GALNT12: variants seen among roughly 807,000 people sequenced by gnomAD.
GALNT12 encodes polypeptide N-acetylgalactosaminyltransferase 12.
Under a neutral mutation model 55.5 loss-of-function variants are expected in GALNT12, and 45 were observed. The ratio of observed to expected loss-of-function variants is 0.81; its 90% confidence interval spans 0.64 to 1.04. The LOEUF is 1.04. Among genes scored for constraint, GALNT12 ranks in the 50% least tolerant of loss-of-function variants. GALNT12 has a pLI of 0.00. For missense variants in GALNT12, 709 were observed against 754.8 expected, an observed-to-expected ratio of 0.94 and a Z score of 0.71; for synonymous variants, 304 against 312.2, an observed-to-expected ratio of 0.97 and a Z score of 0.28.
intron 3 of GALNT12, among the ~76,000 whole-genome samples, chr9:98,830,461 A>G (rs1209773859): frequency 6.6e-6 from 1 of 152,186 alleles, no homozygotes; most frequent in Non-Finnish European, 1.5e-5. Flanking sequence ...GGTCCTGCAC[A>G]TTCTCCAGCC....
intron 1 of GALNT12, among the ~76,000 whole-genome samples, chr9:98,817,589 G>C (rs1835642057): frequency 6.6e-6 from 1 of 151,822 alleles, no homozygotes. Flanking sequence ...TCAGCCTCCG[G>C]AGTAGCTGGG....
chr9:98,820,037 T>C (rs1301078417), intron 1 of GALNT12, among the ~76,000 whole-genome samples: 1 of 152,238 alleles, frequency 6.6e-6, no homozygotes, highest in African/African-American at 2.4e-5. Flanking sequence ...AAAATTAGCA[T>C]GTGTCTTAAA....
intron 6 of GALNT12, among the ~76,000 whole-genome samples, chr9:98,838,254 G>A (rs1214215609): frequency 6.6e-6 from 1 of 152,076 alleles, no homozygotes; most frequent in Admixed American, 6.6e-5. Flanking sequence ...CCAGGCCCCC[G>A]CTGCTACTCT....
chr9:98,842,474 C>A (rs550571112), intron 7 of GALNT12, among the ~76,000 whole-genome samples: 1 of 152,310 alleles, frequency 6.6e-6, no homozygotes, highest in East Asian at 1.9e-4. Flanking sequence ...CAGGTATGAG[C>A]CACTGTGCCC....
chr9:98,818,053 C>G (rs1193487126), intron 1 of GALNT12, among the ~76,000 whole-genome samples: 2 of 152,036 alleles, frequency 1.3e-5, no homozygotes, highest in Admixed American at 1.3e-4. Flanking sequence ...TTCTGTATGT[C>G]TACTATAATA....
rs117360943 is a variant in GALNT12 at position 98,810,568 on chromosome 9, T to C, written c.371+2499T>C. ...GTGCCTCCTAGACTTTTAATGAAAG[T>C]CTTTACTCTGCAGTGCCTTTTATCA... On this transcript the variant is annotated intron_variant, in intron 1 of 9. Coordinates refer to ENST00000375011, the MANE Select transcript of GALNT12 (RefSeq NM_024642.5). 5.2e-3 allele frequency among the ~76,000 whole-genome samples: 793 copies of C among 152,358 alleles called. 5 individuals carry two copies. The highest frequency in any genetic ancestry group is 0.023 in the South Asian group (112 of 4,830).
chr9:98,824,467 C>T (rs753027342), intron 2 of GALNT12, among the ~76,000 whole-genome samples: 7 of 152,190 alleles, frequency 4.6e-5, no homozygotes, highest in Admixed American at 2.0e-4. Context: ...TTGAGCAGAG[C>T]GTGGTTGCCT....
chr9:98,847,227 T>C (rs1836441704), intron 9 of GALNT12: 1 of 152,338 alleles, frequency 6.6e-6, no homozygotes, highest in Admixed American at 6.5e-5. Flanking sequence ...TCACTCCCAA[T>C]ATACTGCTTA....
rs34594897 is a variant in GALNT12 at position 98,826,448 on chromosome 9, T to G, written c.542-304T>G. Among the ~76,000 whole-genome samples the G allele has an allele frequency of 0.057, 8,698 of 152,274 alleles. 283 individuals carry two copies. Among genetic ancestry groups the G allele is most frequent in the Non-Finnish European group, 0.069 (4,692 of 68,012 alleles). ...CTGTAAAGCATTTTTTGTAACAGCT[T>G]TATTGAAATATATTCACACACCATT... On this transcript the variant is annotated intron_variant, in intron 2 of 9. Transcript: ENST00000375011.
At chr9:98,841,528 G>C (rs1836284891) in intron 7 of GALNT12, among the ~76,000 whole-genome samples, 1 of 152,166 alleles carries the variant, frequency 6.6e-6, no homozygotes, top group Non-Finnish European at 1.5e-5. Context: ...ATTTCAAATG[G>C]AGTTGCCAAA....
chr9:98,808,147 CG>C, intron 1 of GALNT12, 78 bp downstream of exon 1: 1 of 1,257,662 alleles, frequency 8.0e-7, no homozygotes, highest in Non-Finnish European at 1.1e-6. Flanking sequence ...AGTGGCAGGG[CG>C]GGGAGCTGGG....
At chr9:98,822,688 T>G (rs1021104825) in intron 1 of GALNT12, among the ~76,000 whole-genome samples, 1 of 151,760 alleles carries the variant, frequency 6.6e-6, no homozygotes, top group African/African-American at 2.4e-5. Flanking sequence ...TGGGAGAGGG[T>G]AGGGAGTGGT....
At position 98,837,013 on chromosome 9, in the gene GALNT12, C is replaced by T. The variant is rs1836169271; in HGVS notation, c.1077C>T (p.Ser359=). 1 of 1,614,184 alleles carries T rather than the reference C, an allele frequency of 6.2e-7. No individual in the cohort carries two copies. The highest frequency in any genetic ancestry group is 8.5e-7 in the Non-Finnish European group (1 of 1,180,034). The change falls in exon 6 of 10, where the codon TCC becomes TCT. Residue 359 remains serine (S), a synonymous_variant. Transcript: ENST00000375011. ...GGGTTCTGGAAACACACCCATGTTC[C>T]CATGTTGGCCATGTTTTCCCCAAGC... is the stretch of plus-strand genomic sequence containing the variant. ...CGGVLETHPC[S]HVGHVFPKQA...
chr9:98,814,674 C>T (rs1312837828), intron 1 of GALNT12, among the ~76,000 whole-genome samples: 1 of 151,090 alleles, frequency 6.6e-6, no homozygotes, highest in Non-Finnish European at 1.5e-5. Context: ...CCCACCACTG[C>T]ACTCCAGCCT....
At chr9:98,809,335 T>C (rs1208247182) in intron 1 of GALNT12, among the ~76,000 whole-genome samples, 1 of 152,254 alleles carries the variant, frequency 6.6e-6, no homozygotes, top group African/African-American at 2.4e-5. Context: ...TAAAACTTTG[T>C]TGGGATTGAT....
At position 98,828,734 on chromosome 9, in the gene GALNT12, A is replaced by T. The variant is rs577418107; in HGVS notation, c.731+1793A>T. On this transcript the variant is annotated intron_variant, in intron 3 of 9. Transcript: ENST00000375011. ...TTTATGGGGTACATGAGATATTTTG[A>T]TACAGGCATGCAATGCATAATAATC... 1.2e-4 allele frequency among the ~76,000 whole-genome samples: 19 copies of T among 152,332 alleles called. 1 individual carries two copies. The South Asian group carries it at 3.9e-3, about 32-fold the overall frequency.
chr9:98,826,688 G>T, intron 2 of GALNT12, 64 bp from the exon 3 acceptor site: 2 of 1,526,300 alleles, frequency 1.3e-6, no homozygotes, highest in Non-Finnish European at 1.8e-6. Flanking sequence ...AAGGCCCCGG[G>T]TTGGGATGAG....
At chr9:98,817,788 G>A (rs116171910) in intron 1 of GALNT12, among the ~76,000 whole-genome samples, 3,642 of 152,214 alleles carry the variant, frequency 0.024, 145 homozygotes, top group African/African-American at 0.083. Context: ...TGGTAGATAT[G>A]AGAAATAATG....
At chr9:98,826,992 A>G (rs769960185) in intron 3 of GALNT12, 51 bp downstream of exon 3, 4 of 1,536,160 alleles carry the variant, frequency 2.6e-6, no homozygotes, top group Non-Finnish European at 3.5e-6. Context: ...TGGAGTAGGT[A>G]GCATGAGGAA....
Sources: allele counts gnomAD v4.1 joint callset (sites outside exome capture counted in the v4.1 genomes callset), GRCh38; gene constraint gnomAD v4.1.1; transcripts MANE v1.5; gene names NCBI Gene and HGNC (gene_info 2026-07-23, HGNC 2026-07-21).